Variants in PTPRN2 observed in about 807,000 individuals in gnomAD.
The protein encoded by PTPRN2 is protein tyrosine phosphatase receptor type N2.
A neutral mutation model predicts 118.8 loss-of-function variants in PTPRN2; 74 were observed. That is an observed-to-expected ratio of 0.62 (90% CI 0.52 to 0.76). The LOEUF (loss-of-function observed/expected upper bound fraction) is 0.76, where lower values mean the gene tolerates loss of function less well. Among genes scored for constraint, PTPRN2 ranks in the 30% least tolerant of loss-of-function variants. The probability of loss-of-function intolerance (pLI) is 0.00; values close to 1 mark genes in which losing one functional copy is unlikely to be tolerated. For synonymous variants in PTPRN2, 641 were observed against 608.0 expected, an observed-to-expected ratio of 1.05 and a Z score of -0.80; for missense variants, 1,481 against 1,394.4, an observed-to-expected ratio of 1.06 and a Z score of -0.99.
chr7:157,817,738 G>T (rs1806505723), intron 12 of PTPRN2, among the ~76,000 whole-genome samples: 1 of 152,218 alleles, frequency 6.6e-6, no homozygotes, highest in Non-Finnish European at 1.5e-5. Context: ...TGGCCTGTGT[G>T]CATGCACGTG....
At chr7:157,766,937 C>A (rs1237706809) in intron 12 of PTPRN2, among the ~76,000 whole-genome samples, 1 of 152,202 alleles carries the variant, frequency 6.6e-6, no homozygotes, top group Non-Finnish European at 1.5e-5. Context: ...CTGGCTCTTG[C>A]CGGGTGGGTG....
At chr7:157,659,893 T>C (rs1009830988) in intron 13 of PTPRN2, among the ~76,000 whole-genome samples, 1 of 152,042 alleles carries the variant, frequency 6.6e-6, no homozygotes. Context: ...TACAGGCGCC[T>C]GCCACCACGC....
chr7:157,614,742 C>G (rs575799551), intron 15 of PTPRN2, among the ~76,000 whole-genome samples: 5 of 152,264 alleles, frequency 3.3e-5, no homozygotes, highest in South Asian at 2.1e-4. Context: ...GAGGGGGGGC[C>G]TAGTGCAGTG....
intron 11 of PTPRN2, among the ~76,000 whole-genome samples, chr7:158,075,080 C>T (rs1246431034): frequency 1.3e-5 from 2 of 152,176 alleles, no homozygotes; most frequent in Admixed American, 1.3e-4. Flanking sequence ...AGGCGGCTTT[C>T]GGGACTTGTA....
intron 2 of PTPRN2, among the ~76,000 whole-genome samples, chr7:158,423,555 A>G (rs1041830695): frequency 6.6e-6 from 1 of 150,394 alleles, no homozygotes; most frequent in Non-Finnish European, 1.5e-5. Context: ...TTTTTTTGAG[A>G]CAAAGTCTCA....
At chr7:158,261,076 G>A (rs902414215) in intron 3 of PTPRN2, among the ~76,000 whole-genome samples, 2 of 151,924 alleles carry the variant, frequency 1.3e-5, no homozygotes, top group Non-Finnish European at 2.9e-5. Context: ...TATCCAGCAA[G>A]GGGGGCGTGA....
intron 3 of PTPRN2, among the ~76,000 whole-genome samples, chr7:158,296,557 C>T (rs531937576): frequency 3.9e-5 from 6 of 152,194 alleles, no homozygotes; most frequent in African/African-American, 9.6e-5. Context: ...CGCCCACAGA[C>T]GGCGAAACTA....
chr7:158,331,005 C>A (rs536504209), intron 2 of PTPRN2, among the ~76,000 whole-genome samples: 1 of 131,994 alleles, frequency 7.6e-6, no homozygotes, highest in African/African-American at 2.9e-5. Context: ...CTGACACCCG[C>A]AGACGTCACT....
intron 2 of PTPRN2, among the ~76,000 whole-genome samples, chr7:158,326,876 C>T (rs28503558): frequency 0.53 from 71,493 of 135,948 alleles, 20,773 homozygotes; most frequent in South Asian, 0.58. Context: ...CGCATGCACA[C>T]GTTCTCACAC....
chr7:158,168,950 C>T (rs987048372), intron 5 of PTPRN2, among the ~76,000 whole-genome samples: 14 of 152,232 alleles, frequency 9.2e-5, no homozygotes, highest in African/African-American at 2.7e-4. Flanking sequence ...ATCCTGGACA[C>T]ACAAGCTGAG....
intron 2 of PTPRN2, among the ~76,000 whole-genome samples, chr7:158,414,479 T>A (rs1162857315): frequency 6.6e-6 from 1 of 151,240 alleles, no homozygotes; most frequent in African/African-American, 2.4e-5. Context: ...TTCACTACAG[T>A]AATTGCATCT....
At chr7:157,847,810 T>G (rs1359414805) in intron 12 of PTPRN2, among the ~76,000 whole-genome samples, 1 of 150,000 alleles carries the variant, frequency 6.7e-6, no homozygotes, top group Non-Finnish European at 1.5e-5. Context: ...GCGTGCCCGA[T>G]GTCTACAGAG....
At chr7:157,968,718 G>C (rs1015397699) in intron 11 of PTPRN2, among the ~76,000 whole-genome samples, 1 of 152,152 alleles carries the variant, frequency 6.6e-6, no homozygotes, top group East Asian at 1.9e-4. Flanking sequence ...AGCCTAGAAG[G>C]GTTTGTGTTT....
intron 2 of PTPRN2, among the ~76,000 whole-genome samples, chr7:158,368,574 G>A (rs777062643): frequency 1.2e-4 from 19 of 152,134 alleles, no homozygotes; most frequent in Admixed American, 3.9e-4. Context: ...CGGCCCGCCC[G>A]CACAGTAAAT....
chr7:158,498,833 A>T (rs1822144767), intron 1 of PTPRN2, among the ~76,000 whole-genome samples: 1 of 152,240 alleles, frequency 6.6e-6, no homozygotes, highest in African/African-American at 2.4e-5. Context: ...GCTGGATTAA[A>T]ATATAGTATG....
At chr7:157,688,696 C>T in intron 12 of PTPRN2, among the ~76,000 whole-genome samples, 1 of 152,226 alleles carries the variant, frequency 6.6e-6, no homozygotes, top group Admixed American at 6.5e-5. Flanking sequence ...TTCGCCTCCT[C>T]TACCCGGACT....
intron 4 of PTPRN2, among the ~76,000 whole-genome samples, chr7:158,203,104 C>T (rs1275469148): frequency 6.6e-5 from 10 of 151,510 alleles, no homozygotes; most frequent in African/African-American, 2.4e-4. Flanking sequence ...TGGTGGCGCG[C>T]ACCTGTAGTC....
chr7:158,423,826 G>T (rs1485860656), intron 2 of PTPRN2, among the ~76,000 whole-genome samples: 1 of 152,118 alleles, frequency 6.6e-6, no homozygotes, highest in East Asian at 1.9e-4. Flanking sequence ...TTTTCTAGAT[G>T]AGGAAAGAGA....
chr7:158,493,251 CCACAAGCATGTG>C (rs1371098977), intron 1 of PTPRN2, among the ~76,000 whole-genome samples: 1 of 152,152 alleles, frequency 6.6e-6, no homozygotes, highest in Non-Finnish European at 1.5e-5. Context: ...ACACATGCAC[CCACAAGCATGTG>C]CACACATATA....
Sources: allele counts gnomAD v4.1 joint callset (sites outside exome capture counted in the v4.1 genomes callset), GRCh38; gene constraint gnomAD v4.1.1; transcripts MANE v1.5; gene names NCBI Gene and HGNC (gene_info 2026-07-23, HGNC 2026-07-21).